The following PTPRQ variants were observed in gnomAD, a reference collection of about 807,000 sequenced individuals.
The protein encoded by PTPRQ is protein tyrosine phosphatase receptor type Q.
A neutral mutation model predicts 246.0 loss-of-function variants in PTPRQ; 199 were observed. The ratio of observed to expected loss-of-function variants is 0.81; its 90% CI spans 0.72 to 0.91. The LOEUF is 0.91. Ranked by LOEUF, PTPRQ falls within the 40% of genes least tolerant of loss-of-function variation. The pLI is 0.00. For synonymous variants in PTPRQ, 869 were observed against 853.2 expected, an observed-to-expected ratio of 1.02 and a Z score of -0.32; for missense variants, 2,624 against 2,528.4, an observed-to-expected ratio of 1.04 and a Z score of -0.81.
intron 33 of PTPRQ, among the ~76,000 whole-genome samples, chr12:80,629,953 T>A (rs1037449479): frequency 4.6e-5 from 7 of 152,202 alleles, no homozygotes; most frequent in African/African-American, 1.7e-4. Context: ...TATTTAGACA[T>A]TGTTCACTTA....
chr12:80,445,889 A>T (rs139658553), intron 3 of PTPRQ, among the ~76,000 whole-genome samples, 172 bp downstream of exon 3: 1 of 151,942 alleles, frequency 6.6e-6, no homozygotes, highest in African/African-American at 2.4e-5. Context: ...GTAAAATGTT[A>T]TTGTGTCTTT....
chr12:80,674,387 A>C (rs1215234453), intron 43 of PTPRQ, among the ~76,000 whole-genome samples: 1 of 152,156 alleles, frequency 6.6e-6, no homozygotes, highest in East Asian at 1.9e-4. Flanking sequence ...TTTCACTGAC[A>C]ATTACAAAGA....
chr12:80,661,242 T>G (rs1163010), intron 39 of PTPRQ, among the ~76,000 whole-genome samples: 3,546 of 149,896 alleles, frequency 0.024, 124 homozygotes, highest in African/African-American at 0.078. Context: ...CATATATGTG[T>G]GTATACATAA....
chr12:80,673,310 A>T lies in PTPRQ; in HGVS notation c.6738+6A>T, dbSNP rs903541537. On this transcript the variant is annotated splice_donor_region_variant and intron_variant, in intron 43 of 44. Transcript: ENST00000644991. ...TGTGCATGGTGCAGAATCTGGTAAG[A>T]TCTCTAAACCTGCACTGCATTCTAA... 1 of 1,546,750 alleles carries T rather than the reference A, an allele frequency of 6.5e-7. No homozygotes were observed. Among genetic ancestry groups the T allele is most frequent in the South Asian group, 1.2e-5 (1 of 83,006 alleles).
chr12:80,504,108 C>T (rs1486680287), intron 14 of PTPRQ, among the ~76,000 whole-genome samples: 1 of 151,544 alleles, frequency 6.6e-6, no homozygotes, highest in Non-Finnish European at 1.5e-5. Flanking sequence ...CAGCCATTAT[C>T]CCTTTAAATA....
intron 25 of PTPRQ, among the ~76,000 whole-genome samples, chr12:80,578,883 C>A (rs866826848): frequency 1.3e-5 from 2 of 152,026 alleles, no homozygotes; most frequent in Non-Finnish European, 2.9e-5. Context: ...GATTTACTAT[C>A]TTGCTTTTCC....
intron 25 of PTPRQ, among the ~76,000 whole-genome samples, chr12:80,578,426 T>C (rs1897333867): frequency 6.6e-6 from 1 of 152,084 alleles, no homozygotes; most frequent in Admixed American, 6.5e-5. Context: ...AGTCTCACTC[T>C]GTCGCCCGGG....
At chr12:80,579,617 G>A (rs1372618636) in intron 25 of PTPRQ, among the ~76,000 whole-genome samples, 1 of 152,140 alleles carries the variant, frequency 6.6e-6, no homozygotes, top group Non-Finnish European at 1.5e-5. Context: ...ATCATTCAAT[G>A]TGAATGTTCA....
At chr12:80,580,976 C>A (rs763713425) in intron 25 of PTPRQ, among the ~76,000 whole-genome samples, 1 of 152,128 alleles carries the variant, frequency 6.6e-6, no homozygotes, top group Non-Finnish European at 1.5e-5. Context: ...AGTCTGTGAA[C>A]GAATATTGAT....
chr12:80,514,314 C>A (rs558487444), intron 17 of PTPRQ, among the ~76,000 whole-genome samples: 178 of 150,680 alleles, frequency 1.2e-3, no homozygotes, highest in African/African-American at 3.7e-3. Context: ...AGGATTGACT[C>A]TTGATGTGTA....
intron 6 of PTPRQ, chr12:80,462,484 T>C (rs1893226312): frequency 6.5e-6 from 1 of 154,472 alleles, no homozygotes; most frequent in African/African-American, 2.4e-5. Flanking sequence ...GACTTAAATG[T>C]CCCTGTCTGA....
intron 26 of PTPRQ, among the ~76,000 whole-genome samples, chr12:80,602,055 C>T (rs886905109): frequency 1.3e-5 from 2 of 151,730 alleles, no homozygotes; most frequent in Admixed American, 1.3e-4. Context: ...ACCCTCTCCC[C>T]TGGATGTTTT....
At chr12:80,467,921 T>G (rs1388384935) in intron 6 of PTPRQ, among the ~76,000 whole-genome samples, 1 of 152,166 alleles carries the variant, frequency 6.6e-6, no homozygotes, top group East Asian at 1.9e-4. Context: ...GACGAGTTAA[T>G]GGGTGCAGCA....
rs769414150 is a variant in PTPRQ at position 80,588,251 on chromosome 12, C to T, written c.4408C>T (p.Arg1470Cys). 3.1e-5 allele frequency: 48 copies of T among 1,551,448 alleles called. No individual in the cohort carries two copies. The South Asian group carries it at 3.4e-4, about 11-fold the overall frequency. Residue 1470 changes from arginine to cysteine, a missense_variant, in exon 26 of 45, where the codon CGT (arginine) becomes TGT (cysteine). Transcript: ENST00000644991. Reference sequence around the variant, plus strand: ...AAATTACAAAATTACCACTCAACTTCGTGCTCAAAAATGCAAAGAATGGGA... The same window carrying T: ...AAATTACAAAATTACCACTCAACTTTGTGCTCAAAAATGCAAAGAATGGGA... ...FQNYKITTQL[R>C]AQKCKEWESE... is the part of the protein sequence containing the mutation.
At chr12:80,606,941 C>A (rs1898346584) in intron 27 of PTPRQ, among the ~76,000 whole-genome samples, 1 of 150,784 alleles carries the variant, frequency 6.6e-6, no homozygotes, top group Admixed American at 6.6e-5. Flanking sequence ...GAAAATAGTT[C>A]TCCCTTGGAA....
chr12:80,478,664 T>C (rs2120576548), intron 8 of PTPRQ, among the ~76,000 whole-genome samples: 1 of 151,938 alleles, frequency 6.6e-6, no homozygotes, highest in African/African-American at 2.4e-5. Flanking sequence ...GAATAACCAA[T>C]ACAGAGAAGT....
At chr12:80,668,894 T>C in intron 39 of PTPRQ, 113 bp from the exon 40 acceptor site, 1 of 1,324,092 alleles carries the variant, frequency 7.6e-7, no homozygotes, top group Non-Finnish European at 9.8e-7. Flanking sequence ...ATTTACGGTA[T>C]TCTAAAATAT....
chr12:80,484,718 CAAAGT>C (rs1167681581), intron 9 of PTPRQ, 113 bp downstream of exon 9: 3 of 1,278,240 alleles, frequency 2.3e-6, no homozygotes, highest in Middle Eastern at 2.7e-4. Flanking sequence ...CTTACTAGTA[CAAAGT>C]AAAGTAAATT....
At chr12:80,599,666 GA>G (rs2121062524) in intron 26 of PTPRQ, among the ~76,000 whole-genome samples, 1 of 151,606 alleles carries the variant, frequency 6.6e-6, no homozygotes, top group South Asian at 2.1e-4. Context: ...AATTTCATAA[GA>G]AAGATACCTA....
Sources: allele counts gnomAD v4.1 joint callset (sites outside exome capture counted in the v4.1 genomes callset), GRCh38; gene constraint gnomAD v4.1.1; transcripts MANE v1.5; gene names NCBI Gene and HGNC (gene_info 2026-07-23, HGNC 2026-07-21).